The following LIN7C variants were observed in gnomAD, a reference collection of about 807,000 sequenced individuals.
LIN7C encodes the protein lin-7 cell polarity scaffold C, also known as protein lin-7 homolog C.
In LIN7C, 17 loss-of-function variants were observed where a neutral mutation model predicts 24.7. The ratio of observed to expected loss-of-function variants is 0.69; its 90% CI spans 0.47 to 1.03. LIN7C has a LOEUF of 1.03. Among genes scored for constraint, LIN7C ranks in the 50% least tolerant of loss-of-function variants. The pLI, the probability that LIN7C is intolerant of heterozygous loss-of-function variation, is 0.00. For missense variants in LIN7C, 204 were observed against 239.0 expected, an observed-to-expected ratio of 0.85 and a Z score of 0.97; for synonymous variants, 90 against 83.4, an observed-to-expected ratio of 1.08 and a Z score of -0.43.
chr11:27,503,222 A>G (rs757518005), intron 1 of LIN7C, among the ~76,000 whole-genome samples: 3 of 152,246 alleles, frequency 2.0e-5, no homozygotes, highest in Non-Finnish European at 4.4e-5. Flanking sequence ...CTCACTGAGA[A>G]GTGTGAGGAT....
intron 1 of LIN7C, among the ~76,000 whole-genome samples, chr11:27,504,777 T>C (rs539935159): frequency 2.6e-4 from 39 of 152,342 alleles, no homozygotes; most frequent in Admixed American, 6.5e-4. Context: ...ACAGTTGTTA[T>C]ATCACATTGT....
intron 1 of LIN7C, 109 bp from the exon 2 acceptor site, chr11:27,502,029 A>G: frequency 1.5e-6 from 1 of 665,012 alleles, no homozygotes; most frequent in Non-Finnish European, 2.6e-6. Context: ...TATACAGACA[A>G]TCGAGGGGAA....
intron 1 of LIN7C, among the ~76,000 whole-genome samples, chr11:27,503,910 A>C (rs1166460629): frequency 3.3e-5 from 5 of 152,100 alleles, no homozygotes; most frequent in African/African-American, 2.4e-5. Flanking sequence ...CTCTGCCTCC[A>C]GGGTTCAAGT....
At chr11:27,499,769 C>CTGAGTAG (rs1362298035) in intron 3 of LIN7C, among the ~76,000 whole-genome samples, 13 of 152,024 alleles carry the variant, frequency 8.6e-5, no homozygotes, top group African/African-American at 3.1e-4. Flanking sequence ...ACTACAGGCG[C>CTGAGTAG]CTGCCACCAC....
intron 1 of LIN7C, among the ~76,000 whole-genome samples, chr11:27,505,653 G>T (rs1361945454): frequency 6.6e-6 from 1 of 152,178 alleles, no homozygotes; most frequent in Admixed American, 6.5e-5. Flanking sequence ...TTAGGAAAGA[G>T]GTTTTTCTAA....
At chr11:27,506,228 C>T (rs1196581759) in intron 1 of LIN7C, among the ~76,000 whole-genome samples, 1 of 152,186 alleles carries the variant, frequency 6.6e-6, no homozygotes. Flanking sequence ...TAGCAAATAC[C>T]CCAACCCGAA....
In LIN7C at chr11:27,501,886, T is replaced by C. The variant is rs1391700929; in HGVS notation, c.72A>G (p.Leu24=). ...ICRAIELLEK[L]QRSGEVPPQK... is the part of the protein sequence containing the mutation. ...GTGGTGGTACTTCTCCACTCCTTTG[T>C]AGTTTTTCCAATAATTCAATTGCTC... The change falls in exon 2 of 5, where the codon CTA becomes CTG. Residue 24 remains leucine, a synonymous_variant. Transcript: ENST00000278193. 2.5e-6 allele frequency: 4 copies of C among 1,611,532 alleles called. No individual in the cohort carries two copies. Among genetic ancestry groups the C allele is most frequent in the South Asian group, 1.1e-5 (1 of 90,970 alleles).
chr11:27,498,552 T>G lies in LIN7C; in HGVS notation c.*97A>C, dbSNP rs937475067. The G allele has an allele frequency of 1.2e-5, 14 of 1,122,796 alleles. No individual in the cohort carries two copies. Among genetic ancestry groups the G allele is most frequent in the Non-Finnish European group, 1.7e-5 (13 of 777,408 alleles). The allele number at this position is 1,122,796 out of a possible 1,614,324, so 69.6% of individuals were successfully genotyped here. A position where few individuals can be genotyped will look rare whatever the true frequency, so the allele number is the denominator to read the frequency against. ...AGGAGAATTTCATGATAAATTTGTT[T>G]GTTTTCTTACAATCATTGGCATTGC... On this transcript the variant is annotated 3_prime_UTR_variant, in exon 5 of 5. Coordinates refer to ENST00000278193, the MANE Select transcript of LIN7C (RefSeq NM_018362.4).
Position 27,498,395 on chromosome 11 carries a change from G to C in LIN7C, c.*254C>G, listed in dbSNP as rs1402797639. 1.5e-5 allele frequency: 5 copies of C among 338,238 alleles called. No individual in the cohort carries two copies. The highest frequency in any genetic ancestry group is 2.6e-5 in the Non-Finnish European group (5 of 190,390). 21.0% of individuals were successfully genotyped at this position (338,238 alleles called of 1,614,324 possible). ...CTATAACAACTTTATGACAAAATCT[G>C]CATTTGAAAAAGGCCTGTAAAAACA... On this transcript the variant is annotated 3_prime_UTR_variant, in exon 5 of 5. Coordinates refer to ENST00000278193, the MANE Select transcript of LIN7C (RefSeq NM_018362.4).
chr11:27,504,767 A>G (rs1020004115), intron 1 of LIN7C, among the ~76,000 whole-genome samples: 1 of 152,218 alleles, frequency 6.6e-6, no homozygotes, highest in African/African-American at 2.4e-5. Context: ...CGCTACGTAA[A>G]CAGTTGTTAT....
At chr11:27,504,360 C>T (rs1041694627) in intron 1 of LIN7C, among the ~76,000 whole-genome samples, 1 of 152,026 alleles carries the variant, frequency 6.6e-6, no homozygotes, top group African/African-American at 2.4e-5. Context: ...CTAAAATGTA[C>T]CTACTATGTG....
intron 1 of LIN7C, among the ~76,000 whole-genome samples, chr11:27,502,286 G>A (rs1315547558): frequency 6.6e-6 from 1 of 152,174 alleles, no homozygotes; most frequent in East Asian, 1.9e-4. Context: ...CTTCAGAAAA[G>A]CTAGCAATAT....
chr11:27,501,426 T>G, intron 3 of LIN7C, 69 bp downstream of exon 3: 1 of 968,966 alleles, frequency 1.0e-6, no homozygotes, highest in Non-Finnish European at 1.6e-6. Flanking sequence ...TATTATGAAT[T>G]TAATAACTCC....
intron 3 of LIN7C, among the ~76,000 whole-genome samples, chr11:27,499,972 C>T (rs1197172158): frequency 6.6e-6 from 1 of 152,102 alleles, no homozygotes; most frequent in Non-Finnish European, 1.5e-5. Flanking sequence ...GTATTTTTGA[C>T]GTCTGAATGC....
chr11:27,506,274 T>C (rs941854859), intron 1 of LIN7C, among the ~76,000 whole-genome samples: 1 of 152,124 alleles, frequency 6.6e-6, no homozygotes, highest in African/African-American at 2.4e-5. Context: ...ATGAAGGAGT[T>C]TGTGTGCAAA....
Position 27,495,476 on chromosome 11 carries a change from A to AAAAAAC in LIN7C, c.*3167_*3172dup, listed in dbSNP as rs1343759635. ...CAACAGAGCAAGACTCTGTCTCAAA[A>AAAAAAC]AAAAACAAAAACAAAAAACAAAAAA... is the stretch of plus-strand genomic sequence containing the variant. On this transcript the variant is annotated 3_prime_UTR_variant, in exon 5 of 5. Transcript: ENST00000278193. The AAAAAAC allele has an allele frequency of 3.3e-5, 5 of 152,086 alleles. No individual in the cohort carries two copies. The highest frequency in any genetic ancestry group is 4.8e-5 in the African/African-American group (2 of 41,322). 9.4% of individuals were successfully genotyped at this position (152,086 alleles called of 1,614,324 possible).
chr11:27,505,093 G>A (rs56257459), intron 1 of LIN7C, among the ~76,000 whole-genome samples: 2,560 of 152,306 alleles, frequency 0.017, 67 homozygotes, highest in Non-Finnish European at 0.02. Context: ...AGCACTTTGG[G>A]AAGCCGAGGC....
At chr11:27,501,360 G>A in intron 3 of LIN7C, 135 bp downstream of exon 3, 2 of 629,534 alleles carry the variant, frequency 3.2e-6, no homozygotes, top group Non-Finnish European at 5.5e-6. Flanking sequence ...TTATTTCTTA[G>A]TACTTGAGAA....
Position 27,494,723 on chromosome 11 carries a change from A to T in LIN7C, c.*3926T>A, listed in dbSNP as rs559392209. ...AAGCATAGCATTTGCCAGTTATTTT[A>T]AAAAACCGAGTCAATACAAATTAGT... On this transcript the variant is annotated 3_prime_UTR_variant, in exon 5 of 5. Transcript: ENST00000278193. 6.6e-6 allele frequency: 1 copy of T among 152,328 alleles called. No individual in the cohort carries two copies. Among genetic ancestry groups the T allele is most frequent in the East Asian group, 1.9e-4 (1 of 5,186 alleles). 9.4% of individuals were successfully genotyped at this position (152,328 alleles called of 1,614,324 possible).
Sources: allele counts gnomAD v4.1 joint callset (sites outside exome capture counted in the v4.1 genomes callset), GRCh38; gene constraint gnomAD v4.1.1; transcripts MANE v1.5; gene names NCBI Gene and HGNC (gene_info 2026-07-23, HGNC 2026-07-21).